The following NEURL3 variants were observed in gnomAD, a reference collection of about 807,000 sequenced individuals.
NEURL3 encodes E3 ubiquitin-protein ligase NEURL3.
Under a neutral mutation model 17.6 loss-of-function variants are expected in NEURL3, and 19 were observed. The observed-to-expected ratio is 1.08, with a 90% CI of 0.75 to 1.58. The LOEUF (loss-of-function observed/expected upper bound fraction) is 1.58, where lower values mean the gene tolerates loss of function less well. Among genes scored for constraint, NEURL3 ranks in the 40% most tolerant of loss-of-function variants. The pLI, the probability that NEURL3 is intolerant of heterozygous loss-of-function variation, is 0.00. For missense variants in NEURL3, 342 were observed against 379.6 expected, an observed-to-expected ratio of 0.90 and a Z score of 0.82; for synonymous variants, 180 against 161.4, an observed-to-expected ratio of 1.11 and a Z score of -0.87.
rs2065490489 is a variant in NEURL3, at chr2:96,500,434, C to T, written c.514+5G>A. On this transcript the variant is annotated splice_donor_5th_base_variant and intron_variant, in intron 2 of 3. Transcript: ENST00000451794. Reference sequence around the variant, plus strand: ...TCCCCTGCGGGGTCCCCATGGTCGCCTCACCCAGCAGCTCGATGGCCTTAG... The same window carrying T: ...TCCCCTGCGGGGTCCCCATGGTCGCTTCACCCAGCAGCTCGATGGCCTTAG... The T allele has an allele frequency of 1.9e-6, 3 of 1,597,194 alleles. No homozygotes were observed. The highest frequency in any genetic ancestry group is 1.3e-5 in the African/African-American group (1 of 74,914).
At chr2:96,504,979 C>G (rs913285304) in intron 1 of NEURL3, among the ~76,000 whole-genome samples, 34 of 151,736 alleles carry the variant, frequency 2.2e-4, no homozygotes, top group African/African-American at 7.7e-4. Context: ...TTGCAGAGAA[C>G]CTTTGTGCCT....
In NEURL3 at chr2:96,499,775, G is replaced by C. The variant is rs2065482296; in HGVS notation, c.515-326C>G. 2.6e-5 allele frequency among the ~76,000 whole-genome samples: 4 copies of C among 152,250 alleles called. 1 individual carries two copies. In the Middle Eastern group the frequency reaches 0.01, roughly 391 times the overall value. On this transcript the variant is annotated intron_variant, in intron 2 of 3. Coordinates refer to ENST00000451794, the MANE Select transcript of NEURL3 (RefSeq NM_001285485.2). ...CCAGATGGGCATCAACATCTCCCAA[G>C]AGCCTGGACAAACACAGGTTCAGGG...
At chr2:96,500,053 A>C (rs1298833185) in intron 2 of NEURL3, 2 of 226,090 alleles carry the variant, frequency 8.8e-6, no homozygotes, top group African/African-American at 2.4e-5. Context: ...CCCTGCAGGC[A>C]CTCTCCATGC....
chr2:96,500,847 A>G lies in NEURL3; in HGVS notation c.106T>C (p.Cys36Arg). The change falls in exon 2 of 4, where the codon TGC (cysteine) becomes CGC (arginine). Residue 36 changes from cysteine (C) to arginine (R), a missense_variant. By Grantham distance (180) the Cys-to-Arg change is radical (BLOSUM62 -3). Transcript: ENST00000451794. ...AACGTGGTGCGCCTGTGCGCGATGCAGCCACGCGTGTCCAGACGCACCTGT... is the reference window on the plus strand; with the variant it reads ...AACGTGGTGCGCCTGTGCGCGATGCGGCCACGCGTGTCCAGACGCACCTGT... Reference protein sequence around the residue: ...GAQVRLDTRGCIAHRRTTFHD... With the variant: ...GAQVRLDTRGRIAHRRTTFHD... 2 of 1,533,394 alleles carry G rather than the reference A, an allele frequency of 1.3e-6. No individual in the cohort carries two copies. Among genetic ancestry groups the G allele is most frequent in the East Asian group, 4.9e-5 (2 of 40,888 alleles). The allele number at this position is 1,533,394 out of a possible 1,614,324, so 95.0% of individuals were successfully genotyped here.
intron 3 of NEURL3, chr2:96,499,083 T>C: frequency 1.0e-6 from 1 of 968,606 alleles, no homozygotes. Flanking sequence ...CCACCTATCC[T>C]TTCATCTTTA....
At chr2:96,507,370 T>C (rs1476332500), upstream of NEURL3, among the ~76,000 whole-genome samples, 1 of 152,226 alleles carries the variant, frequency 6.6e-6, no homozygotes, top group East Asian at 1.9e-4. Context: ...GACCTGTCTT[T>C]TGTTATAGGT....
chr2:96,503,591 G>A (rs1206164843), intron 1 of NEURL3, among the ~76,000 whole-genome samples: 2 of 152,168 alleles, frequency 1.3e-5, no homozygotes, highest in Admixed American at 6.5e-5. Flanking sequence ...AGGCTGAGTG[G>A]GGCCGAAACC....
rs1189533255 is a variant in NEURL3 at position 96,499,374 on chromosome 2, T to C, written c.586+4A>G. ...GAGTCCCTGATTCTTGGGAAGGCACTCACCTTTGGGCTCAGGCACAGCCTT... is the reference window on the plus strand; with the variant it reads ...GAGTCCCTGATTCTTGGGAAGGCACCCACCTTTGGGCTCAGGCACAGCCTT... On this transcript the variant is annotated splice_donor_region_variant and intron_variant, in intron 3 of 3. Coordinates refer to ENST00000451794, the MANE Select transcript of NEURL3 (RefSeq NM_001285485.2). 1 of 1,599,212 alleles carries C rather than the reference T, an allele frequency of 6.3e-7. No homozygotes were observed. Among genetic ancestry groups the C allele is most frequent in the Non-Finnish European group, 8.5e-7 (1 of 1,179,600 alleles).
rs2065461113 is a variant in NEURL3, at chr2:96,498,100, G to T, written c.*144C>A. 2.4e-6 allele frequency: 2 copies of T among 827,510 alleles called. No homozygotes were observed. The highest frequency in any genetic ancestry group is 1.7e-5 in the African/African-American group (1 of 57,902). 51.3% of individuals were successfully genotyped at this position (827,510 alleles called of 1,614,324 possible). A position where few individuals can be genotyped will look rare whatever the true frequency, so the allele number is the denominator to read the frequency against. On this transcript the variant is annotated 3_prime_UTR_variant, in exon 4 of 4. Transcript: ENST00000451794. This position sits in a 1 kb window ranked among gnomAD's most constrained non-coding sequence, Gnocchi z 4.4. ...TGGAGGCAGCAGACAGCACCTCCCT[G>T]CCTTCCTCTCTCTGCCGCACCTCTT...
At chr2:96,503,433 T>G (rs968925010) in intron 1 of NEURL3, among the ~76,000 whole-genome samples, 2 of 152,148 alleles carry the variant, frequency 1.3e-5, no homozygotes, top group Non-Finnish European at 2.9e-5. Context: ...GCCTCCTCTG[T>G]GCTGCTCACT....
intron 1 of NEURL3, among the ~76,000 whole-genome samples, chr2:96,502,820 A>G (rs2065523026): frequency 6.6e-6 from 1 of 152,244 alleles, no homozygotes; most frequent in African/African-American, 2.4e-5. Context: ...TGCCATCCTA[A>G]GAGGCAGACA....
chr2:96,507,202 C>A (rs1268937490), upstream of NEURL3, among the ~76,000 whole-genome samples: 2 of 152,312 alleles, frequency 1.3e-5, no homozygotes, highest in Admixed American at 1.3e-4. Context: ...CGGTTTATTA[C>A]CCCTTCCCCC....
At position 96,499,383 on chromosome 2, in the gene NEURL3, G is replaced by C. The variant is rs1414031929; in HGVS notation, c.581C>G (p.Pro194Arg). The C allele has an allele frequency of 2.5e-6, 4 of 1,599,326 alleles. No individual in the cohort carries two copies. The African/African-American group carries it at 5.3e-5, about 21-fold the overall frequency. The change falls in exon 3 of 4, where the codon CCC (proline) becomes CGC (arginine). Residue 194 changes from proline (P) to arginine (R), a missense_variant. Transcript: ENST00000451794. ...WDLSNKAVPE[P>R]KATPGEECAI... Reference sequence around the variant, plus strand: ...ATTCTTGGGAAGGCACTCACCTTTGGGCTCAGGCACAGCCTTGTTGCTGAG... The same window carrying C: ...ATTCTTGGGAAGGCACTCACCTTTGCGCTCAGGCACAGCCTTGTTGCTGAG...
upstream of NEURL3, among the ~76,000 whole-genome samples, chr2:96,505,647 G>A (rs1016881639): frequency 1.2e-4 from 18 of 152,244 alleles, no homozygotes; most frequent in African/African-American, 4.1e-4. Flanking sequence ...GTCCAGCCCC[G>A]CCCCCAAAGA....
rs1369329204 is a variant in NEURL3, at chr2:96,500,292, C to T, written c.514+147G>A. On this transcript the variant is annotated intron_variant, in intron 2 of 3. Coordinates refer to ENST00000451794, the MANE Select transcript of NEURL3 (RefSeq NM_001285485.2). ...CTGAGCCTTGTCTATCTGGCGTCTC[C>T]AGTGCCCATCTTCACAGCTAACACT... 5 of 1,197,224 alleles carry T rather than the reference C, an allele frequency of 4.2e-6. No individual in the cohort carries two copies. In the South Asian group the frequency reaches 7.3e-5, roughly 17 times the overall value. 74.2% of individuals were successfully genotyped at this position (1,197,224 alleles called of 1,614,324 possible). A position where few individuals can be genotyped will look rare whatever the true frequency, so the allele number is the denominator to read the frequency against.
intron 1 of NEURL3, among the ~76,000 whole-genome samples, chr2:96,502,081 G>A (rs1199005010): frequency 6.6e-6 from 1 of 152,152 alleles, no homozygotes; most frequent in South Asian, 2.1e-4. Flanking sequence ...CAGGCCAAAG[G>A]TAAGCCTACC....
chr2:96,500,817 CG>C lies in NEURL3; in HGVS notation c.135del (p.His45GlnfsTer114). 1 of 1,527,806 alleles carries C rather than the reference CG, an allele frequency of 6.5e-7. No homozygotes were observed. Among genetic ancestry groups the C allele is most frequent in the Non-Finnish European group, 8.8e-7 (1 of 1,142,840 alleles). The allele number at this position is 1,527,806 out of a possible 1,614,324, so 94.6% of individuals were successfully genotyped here. A position where few individuals can be genotyped will look rare whatever the true frequency, so the allele number is the denominator to read the frequency against. ...GGCCGCTGGCTGAACACGATGCCGT[CG>C]TGGAACGTGGTGCGCCTGTGCGCGA... is the stretch of plus-strand genomic sequence containing the variant. ...GCIAHRRTTF[H>X]DGIVFSQRPV... On this transcript the variant is annotated frameshift_variant, in exon 2 of 4. Coordinates refer to ENST00000451794, the MANE Select transcript of NEURL3 (RefSeq NM_001285485.2). LOFTEE classifies it high-confidence loss of function.
Position 96,498,440 on chromosome 2 carries a change from G to C in NEURL3, c.593C>G (p.Pro198Arg). Residue 198 changes from proline (P) to arginine (R), a missense_variant, in exon 4 of 4, where the codon CCA (proline) becomes CGA (arginine). Transcript: ENST00000451794. The surrounding 1 kb of genome is among the most constrained non-coding windows in gnomAD (Gnocchi z 4.4). ...GAAGCAGATGGCACACTCCTCTCCT[G>C]GTGTGGCTGGAAGAGGGAGCAACAC... ...NKAVPEPKAT[P>R]GEECAICFYH... The C allele has an allele frequency of 6.3e-7, 1 of 1,595,254 alleles. No homozygotes were observed. The highest frequency in any genetic ancestry group is 8.5e-7 in the Non-Finnish European group (1 of 1,176,414).
At chr2:96,503,638 A>G (rs1044206406) in intron 1 of NEURL3, among the ~76,000 whole-genome samples, 1 of 152,142 alleles carries the variant, frequency 6.6e-6, no homozygotes, top group Non-Finnish European at 1.5e-5. Context: ...GGCCCACAGG[A>G]CCGTGTCCAC....
Sources: gnomAD v4.1 joint callset for allele counts (sites outside exome capture counted in the v4.1 genomes callset) on GRCh38, gnomAD v4.1.1 for gene constraint, Gnocchi (gnomAD v3.1) non-coding constraint, MANE v1.5 for transcripts, NCBI Gene and HGNC (gene_info 2026-07-23, HGNC 2026-07-21) for gene names.